CDK5RAP2: variants seen among roughly 807,000 people sequenced by gnomAD.
The protein encoded by CDK5RAP2 is CDK5 regulatory subunit associated protein 2.
Under a neutral mutation model 232.9 loss-of-function variants are expected in CDK5RAP2, and 147 were observed. That is an observed-to-expected ratio of 0.63 (90% CI 0.55 to 0.72). The LOEUF (loss-of-function observed/expected upper bound fraction) is 0.72, where lower values mean the gene tolerates loss of function less well. Among genes scored for constraint, CDK5RAP2 ranks in the 30% least tolerant of loss-of-function variants. CDK5RAP2 has a pLI of 0.00. For missense variants in CDK5RAP2, 2,195 were observed against 2,231.5 expected, an observed-to-expected ratio of 0.98 and a Z score of 0.33; for synonymous variants, 833 against 833.7, an observed-to-expected ratio of 1.00 and a Z score of 0.01.
chr9:120,493,860 G>C (rs2039024834), intron 12 of CDK5RAP2, among the ~76,000 whole-genome samples: 1 of 152,212 alleles, frequency 6.6e-6, no homozygotes, highest in African/African-American at 2.4e-5. Flanking sequence ...GGGAGACCGA[G>C]GCAGGCAGAT....
At chr9:120,568,106 T>C (rs1478396836) in intron 3 of CDK5RAP2, among the ~76,000 whole-genome samples, 2 of 152,204 alleles carry the variant, frequency 1.3e-5, no homozygotes, top group Non-Finnish European at 2.9e-5. Flanking sequence ...AGTTGAAAAC[T>C]GCTGATCCCG....
chr9:120,399,601 G>A (rs763310754), intron 35 of CDK5RAP2, among the ~76,000 whole-genome samples: 3 of 152,174 alleles, frequency 2.0e-5, no homozygotes, highest in Non-Finnish European at 2.9e-5. Flanking sequence ...CAGGACATGG[G>A]ACACTCCAGG....
intron 4 of CDK5RAP2, among the ~76,000 whole-genome samples, chr9:120,547,209 T>C (rs1217256720): frequency 6.6e-6 from 1 of 151,910 alleles, no homozygotes; most frequent in Admixed American, 6.6e-5. Flanking sequence ...AGGCTGGTCT[T>C]GAACTCCTGA....
At chr9:120,464,855 T>C (rs2037288414) in intron 18 of CDK5RAP2, among the ~76,000 whole-genome samples, 1 of 152,204 alleles carries the variant, frequency 6.6e-6, no homozygotes, top group Admixed American at 6.5e-5. Flanking sequence ...AATCTCATAA[T>C]AACGTATGAA....
At chr9:120,404,641 C>T (rs3780674) in intron 32 of CDK5RAP2, among the ~76,000 whole-genome samples, 27,221 of 152,010 alleles carry the variant, frequency 0.18, 2,560 homozygotes, top group East Asian at 0.27. Flanking sequence ...AAGTAGAATG[C>T]AAGGCCAGAA....
chr9:120,467,868 G>C lies in CDK5RAP2; in HGVS notation c.2098C>G (p.Gln700Glu), dbSNP rs1435754422. Residue 700 changes from glutamine (Q) to glutamate (E), a missense_variant, in exon 18 of 38, where the codon CAA becomes GAA. Gln to Glu is a conservative substitution (Grantham distance 29). Coordinates refer to ENST00000349780, the MANE Select transcript of CDK5RAP2 (RefSeq NM_018249.6). ...ACAAAAATGTTTCTTACCTCTGTTT[G>C]TTCTGTAGACGCAAGTCTATCTGGA... is the stretch of plus-strand genomic sequence containing the variant. ...GFPDRLASTE[Q>E]TELLASKEDE... 1 of 1,614,058 alleles carries C rather than the reference G, an allele frequency of 6.2e-7. No homozygotes were observed.
chr9:120,568,385 A>G lies in CDK5RAP2; in HGVS notation c.131T>C (p.Leu44Pro). The stretch of plus-strand genomic sequence containing the variant: ...CACTGTTTCTTCTGACACATTTGGG[A>G]GCACTGTAAAAAGGTAAAATAGAGG... ...NPNAGLGNGL[L>P]PNVSEETVSP... The change falls in exon 3 of 38, where the codon CTC (leucine) becomes CCC (proline). Residue 44 changes from leucine (L) to proline (P), a missense_variant. Transcript: ENST00000349780. 3 of 1,612,386 alleles carry G rather than the reference A, an allele frequency of 1.9e-6. No individual in the cohort carries two copies. Among genetic ancestry groups the G allele is most frequent in the Non-Finnish European group, 1.7e-6 (2 of 1,178,400 alleles).
intron 25 of CDK5RAP2, among the ~76,000 whole-genome samples, chr9:120,427,884 AAC>A (rs2035019814): frequency 6.6e-6 from 1 of 152,208 alleles, no homozygotes; most frequent in African/African-American, 2.4e-5. Context: ...AATGTAAAAG[AAC>A]AGAAATTATA....
intron 32 of CDK5RAP2, chr9:120,406,762 C>CTG (rs1352896185): frequency 1.8e-6 from 1 of 563,870 alleles, no homozygotes; most frequent in Non-Finnish European, 3.2e-6. Context: ...GCCAGAGGCA[C>CTG]TGAGGGTGTC....
rs892522596 is a variant in CDK5RAP2 at position 120,409,257 on chromosome 9, C to T, written c.4474G>A (p.Glu1492Lys). 2.5e-6 allele frequency: 4 copies of T among 1,613,684 alleles called. No individual in the cohort carries two copies. The African/African-American group carries it at 5.3e-5, about 22-fold the overall frequency. The change falls in exon 30 of 38, where the codon GAG becomes AAG. Residue 1492 changes from glutamate to lysine, a missense_variant. Transcript: ENST00000349780. ...CTGGCATACTCCCGCTGAAGGTGCT[C>T]CAGGCTCACGGTCTTCCTGGAGAGG... Reference protein sequence around the residue: ...ESLSRKTVSLEHLQREYASVK... With the variant: ...ESLSRKTVSLKHLQREYASVK...
At position 120,465,166 on chromosome 9, in the gene CDK5RAP2, G is replaced by A. The variant is rs149676643; in HGVS notation, c.2106+2694C>T. Among the ~76,000 whole-genome samples, 66 of 152,248 alleles carry A rather than the reference G, an allele frequency of 4.3e-4. 2 individuals carry two copies. In the East Asian group the frequency reaches 0.012, roughly 29 times the overall value. ...TAGTGACTAACCCTTTCGAGCCTTT[G>A]CAGTGTGCCAGGACCTGTGCCACAT... On this transcript the variant is annotated intron_variant, in intron 18 of 37. Coordinates refer to ENST00000349780, the MANE Select transcript of CDK5RAP2 (RefSeq NM_018249.6).
chr9:120,430,814 T>C (rs1342489789), intron 25 of CDK5RAP2, among the ~76,000 whole-genome samples: 1 of 152,128 alleles, frequency 6.6e-6, no homozygotes, highest in East Asian at 1.9e-4. Flanking sequence ...CATGCACACA[T>C]ATGTTTACTG....
chr9:120,557,704 A>G (rs2042283429), intron 3 of CDK5RAP2, among the ~76,000 whole-genome samples: 1 of 151,636 alleles, frequency 6.6e-6, no homozygotes, highest in Admixed American at 6.6e-5. Context: ...AGCTACAGTA[A>G]GCCATGATCA....
intron 12 of CDK5RAP2, among the ~76,000 whole-genome samples, chr9:120,502,551 A>G (rs1165246586): frequency 6.6e-6 from 1 of 152,270 alleles, no homozygotes; most frequent in Non-Finnish European, 1.5e-5. Context: ...GGCTTAAGCA[A>G]TAAGGGCTAC....
At chr9:120,405,824 G>A (rs372451006) in intron 32 of CDK5RAP2, among the ~76,000 whole-genome samples, 1 of 152,170 alleles carries the variant, frequency 6.6e-6, no homozygotes, top group East Asian at 1.9e-4. Context: ...AGAATAGCCT[G>A]CAAACAATCA....
chr9:120,449,200 G>A (rs913047184), intron 21 of CDK5RAP2, among the ~76,000 whole-genome samples: 3 of 152,032 alleles, frequency 2.0e-5, no homozygotes, highest in African/African-American at 4.8e-5. Context: ...AGCATATGCC[G>A]ACTCCTTTGC....
intron 13 of CDK5RAP2, among the ~76,000 whole-genome samples, chr9:120,490,495 A>G (rs1035063427): frequency 1.3e-5 from 2 of 152,138 alleles, no homozygotes; most frequent in African/African-American, 4.8e-5. Flanking sequence ...CCAGTCTCCC[A>G]TTTTTAAAGT....
chr9:120,414,248 G>GT (rs1304447718), intron 28 of CDK5RAP2, among the ~76,000 whole-genome samples: 2 of 152,242 alleles, frequency 1.3e-5, no homozygotes, highest in Non-Finnish European at 2.9e-5. Context: ...GGAGAAATGA[G>GT]TATATTGCTC....
intron 26 of CDK5RAP2, among the ~76,000 whole-genome samples, chr9:120,421,842 A>G (rs1039338573): frequency 1.3e-5 from 2 of 152,248 alleles, no homozygotes; most frequent in African/African-American, 2.4e-5. Context: ...GAGGACATGC[A>G]TTGGATGGAG....
Sources: allele counts gnomAD v4.1 joint callset (sites outside exome capture counted in the v4.1 genomes callset), GRCh38; gene constraint gnomAD v4.1.1; transcripts MANE v1.5; gene names NCBI Gene and HGNC (gene_info 2026-07-23, HGNC 2026-07-21).